The following TET1 variants were observed in gnomAD, a reference collection of about 807,000 sequenced individuals.
TET1 encodes tet methylcytosine dioxygenase 1.
In TET1, 13 loss-of-function variants were observed where a neutral mutation model predicts 148.7. That is an observed-to-expected ratio of 0.09 (90% CI 0.06 to 0.14). TET1 has a LOEUF of 0.14. TET1 is among the 10% of genes least tolerant of loss of function. The pLI is 1.00. For synonymous variants in TET1, 907 were observed against 937.2 expected, an observed-to-expected ratio of 0.97 and a Z score of 0.59; for missense variants, 2,182 against 2,553.8, an observed-to-expected ratio of 0.85 and a Z score of 3.14.
intron 2 of TET1, among the ~76,000 whole-genome samples, chr10:68,581,512 T>G (rs1369499657): frequency 6.6e-6 from 1 of 152,152 alleles, no homozygotes; most frequent in Admixed American, 6.6e-5. Context: ...TAAGCTACAC[T>G]TTCACAAGTA....
At chr10:68,681,738 A>T (rs1035022643) in intron 9 of TET1, among the ~76,000 whole-genome samples, 12 of 152,158 alleles carry the variant, frequency 7.9e-5, no homozygotes, top group Non-Finnish European at 1.3e-4. Flanking sequence ...AGGCCAAGGC[A>T]GTCGGATCAC....
chr10:68,692,024 TAA>T lies in TET1; in HGVS notation c.*213_*214del, dbSNP rs775000640. 3 of 551,570 alleles carry T rather than the reference TAA, an allele frequency of 5.4e-6. No individual in the cohort carries two copies. Among genetic ancestry groups the T allele is most frequent in the Non-Finnish European group, 9.1e-6 (3 of 329,322 alleles). 34.2% of individuals were successfully genotyped at this position (551,570 alleles called of 1,614,324 possible). The stretch of plus-strand genomic sequence containing the variant: ...AGAAGGTGCACATTTTAAGCAAAAA[TAA>T]AAGTTTTATAGTTTTAAATACATAA... On this transcript the variant is annotated 3_prime_UTR_variant, in exon 12 of 12. Transcript: ENST00000373644.
chr10:68,671,749 GT>G (rs1330497925), intron 7 of TET1, among the ~76,000 whole-genome samples: 1 of 152,132 alleles, frequency 6.6e-6, no homozygotes, highest in East Asian at 1.9e-4. Context: ...ACTTTTTAAA[GT>G]TTTTAAAATT....
At chr10:68,631,203 T>C (rs2054564064) in intron 3 of TET1, among the ~76,000 whole-genome samples, 2 of 152,076 alleles carry the variant, frequency 1.3e-5, no homozygotes, top group South Asian at 2.1e-4. Flanking sequence ...AAAAGAAATA[T>C]ATTAAAAACA....
At chr10:68,610,373 C>T (rs992247413) in intron 3 of TET1, among the ~76,000 whole-genome samples, 1 of 151,598 alleles carries the variant, frequency 6.6e-6, no homozygotes, top group African/African-American at 2.4e-5. Flanking sequence ...CACTTGAGGT[C>T]AGGAGCTCAA....
chr10:68,613,753 A>C (rs2054249667), intron 3 of TET1, among the ~76,000 whole-genome samples: 2 of 152,150 alleles, frequency 1.3e-5, no homozygotes, highest in African/African-American at 4.8e-5. Flanking sequence ...CCTAGCCAAC[A>C]TGGTGAAACC....
intron 7 of TET1, among the ~76,000 whole-genome samples, chr10:68,671,480 T>C (rs1176430651): frequency 6.6e-6 from 1 of 152,248 alleles, no homozygotes; most frequent in African/African-American, 2.4e-5. Flanking sequence ...TACGTGTCTT[T>C]GGTATTGTGA....
intron 9 of TET1, among the ~76,000 whole-genome samples, chr10:68,681,987 AC>A (rs1285470019): frequency 4.6e-5 from 7 of 150,976 alleles, no homozygotes; most frequent in African/African-American, 1.5e-4. Flanking sequence ...AACAAAAAAA[AC>A]CAGTCATTGT....
At chr10:68,600,719 G>T (rs1389482867) in intron 2 of TET1, among the ~76,000 whole-genome samples, 1 of 152,140 alleles carries the variant, frequency 6.6e-6, no homozygotes. Context: ...CGTGGGCTTC[G>T]CTGTGAAGAA....
At chr10:68,590,791 CTAAA>C in intron 2 of TET1, among the ~76,000 whole-genome samples, 1 of 151,844 alleles carries the variant, frequency 6.6e-6, no homozygotes, top group African/African-American at 2.4e-5. Flanking sequence ...GGCCCTGTCT[CTAAA>C]TAAATAAATA....
chr10:68,673,118 A>AT, intron 8 of TET1, 73 bp downstream of exon 8: 1 of 1,347,834 alleles, frequency 7.4e-7, no homozygotes, highest in Non-Finnish European at 1.0e-6. Flanking sequence ...TTCCTTTAAC[A>AT]TTTTTTGAAA....
intron 4 of TET1, among the ~76,000 whole-genome samples, chr10:68,650,354 A>G (rs1286666181): frequency 1.3e-5 from 2 of 151,650 alleles, no homozygotes; most frequent in Middle Eastern, 3.2e-3. Context: ...AAGAAGCCAC[A>G]GAAGTAGGCT....
At chr10:68,587,280 G>A (rs531236608) in intron 2 of TET1, among the ~76,000 whole-genome samples, 208 of 152,338 alleles carry the variant, frequency 1.4e-3, no homozygotes, top group Middle Eastern at 3.4e-3. Context: ...ATCAAGGGAC[G>A]AGGAAGTGGG....
intron 3 of TET1, among the ~76,000 whole-genome samples, chr10:68,624,578 C>T (rs1411775048): frequency 2.7e-5 from 4 of 150,004 alleles, no homozygotes; most frequent in African/African-American, 4.9e-5. Flanking sequence ...CGTGAGCCAC[C>T]GTGCCTGGCC....
chr10:68,645,048 A>G lies in TET1; in HGVS notation c.2319A>G (p.Ser773=). The change falls in exon 4 of 12, where the codon TCA becomes TCG. Residue 773 remains serine, a synonymous_variant. Transcript: ENST00000373644. Reference sequence around the variant, plus strand: ...GTTTACCAGCTGAAACAAATGTTTCATTTAAAAAATTCAATATTGAAGAAT... The same window carrying G: ...GTTTACCAGCTGAAACAAATGTTTCGTTTAAAAAATTCAATATTGAAGAAT... ...VHCLPAETNV[S]FKKFNIEEFG... 1.9e-6 allele frequency: 3 copies of G among 1,613,186 alleles called. No homozygotes were observed. The highest frequency in any genetic ancestry group is 2.5e-6 in the Non-Finnish European group (3 of 1,179,754).
At chr10:68,596,121 C>G (rs1356065479) in intron 2 of TET1, among the ~76,000 whole-genome samples, 1 of 148,956 alleles carries the variant, frequency 6.7e-6, no homozygotes, top group African/African-American at 2.5e-5. Flanking sequence ...TCACTACAAA[C>G]TCCGCCTCCT....
chr10:68,615,605 C>A (rs1354992645), intron 3 of TET1, among the ~76,000 whole-genome samples: 1 of 151,908 alleles, frequency 6.6e-6, no homozygotes, highest in Non-Finnish European at 1.5e-5. Context: ...CTCGGCCTCC[C>A]AAAGTGCTAG....
chr10:68,673,872 T>C (rs2055308198), intron 8 of TET1, among the ~76,000 whole-genome samples: 1 of 151,672 alleles, frequency 6.6e-6, no homozygotes, highest in South Asian at 2.1e-4. Flanking sequence ...AAAAAGTTAA[T>C]ATCAATGTAG....
rs1299795737 is a variant in TET1 at position 68,595,975 on chromosome 10, CACAT to C, written c.1915-5004_1915-5001del. 1.1e-3 allele frequency among the ~76,000 whole-genome samples: 49 copies of C among 45,776 alleles called. 1 individual carries two copies. The highest frequency in any genetic ancestry group is 1.9e-3 in the East Asian group (3 of 1,602). 30.0% of individuals were successfully genotyped at this position (45,776 alleles called of 152,430 possible). A position where few individuals can be genotyped will look rare whatever the true frequency, so the allele number is the denominator to read the frequency against. ...ATATATATATATACACACACACACA[CACAT>C]ATATACACACACACACACACACACA... On this transcript the variant is annotated intron_variant, in intron 2 of 11. Transcript: ENST00000373644.
Sources: allele counts gnomAD v4.1 joint callset (sites outside exome capture counted in the v4.1 genomes callset), GRCh38; gene constraint gnomAD v4.1.1; transcripts MANE v1.5; gene names NCBI Gene and HGNC (gene_info 2026-07-23, HGNC 2026-07-21).